The following WDHD1 variants were observed in gnomAD, a reference collection of about 807,000 sequenced individuals.
The protein encoded by WDHD1 is WD repeat and HMG-box DNA binding protein 1.
Under a neutral mutation model 135.4 loss-of-function variants are expected in WDHD1, and 111 were observed. That is an observed-to-expected ratio of 0.82 (90% CI 0.70 to 0.96). WDHD1 has a LOEUF of 0.96. Ranked by LOEUF, WDHD1 falls within the 40% of genes least tolerant of loss-of-function variation. The probability of loss-of-function intolerance (pLI) is 0.00; values close to 1 mark genes in which losing one functional copy is unlikely to be tolerated. For missense variants in WDHD1, 1,351 were observed against 1,336.3 expected, an observed-to-expected ratio of 1.01 and a Z score of -0.17; for synonymous variants, 434 against 439.0, an observed-to-expected ratio of 0.99 and a Z score of 0.14.
intron 11 of WDHD1, among the ~76,000 whole-genome samples, chr14:54,993,948 C>T (rs2041836925): frequency 6.6e-6 from 1 of 152,184 alleles, no homozygotes; most frequent in African/African-American, 2.4e-5. Context: ...GAGACCAAAA[C>T]ATTTGAGGAC....
At chr14:54,966,363 A>AAAG in intron 18 of WDHD1, 112 bp downstream of exon 18, 8 of 1,325,996 alleles carry the variant, frequency 6.0e-6, no homozygotes, top group Non-Finnish European at 7.9e-6. Flanking sequence ...AACAAAAAAA[A>AAAG]ACTTAAGAAT....
intron 2 of WDHD1, among the ~76,000 whole-genome samples, chr14:55,019,344 A>G (rs1370350161): frequency 1.3e-5 from 2 of 152,186 alleles, no homozygotes; most frequent in Non-Finnish European, 2.9e-5. Flanking sequence ...GTTAATTTAC[A>G]TATTCCTAGA....
At chr14:54,951,220 G>T (rs897166943) in intron 24 of WDHD1, among the ~76,000 whole-genome samples, 4 of 151,492 alleles carry the variant, frequency 2.6e-5, no homozygotes, top group African/African-American at 9.7e-5. Flanking sequence ...CTGGTTTTTT[G>T]AAAAGATCAA....
rs761890357 is a variant in WDHD1, at chr14:54,989,100, A to G, written c.1454T>C (p.Leu485Ser). 13 of 1,613,736 alleles carry G rather than the reference A, an allele frequency of 8.1e-6. No individual in the cohort carries two copies. The highest frequency in any genetic ancestry group is 2.2e-5 in the South Asian group (2 of 91,070). The change falls in exon 13 of 26, where the codon TTG (leucine) becomes TCG (serine). Residue 485 changes from leucine (L) to serine (S), a missense_variant. Physicochemically the swap from Leu to Ser is moderately radical, Grantham distance 145. This residue lies in a region of WDHD1 where 1,330 missense variants were observed against 1,296.1 expected (regional missense o/e 1.03). Transcript: ENST00000360586. ...GGAAAGATCTGCTATTGTATAATTC[A>G]AAGTGTTTGATAAGTGTGTTGCATG... ...IHHATHLSNT[L>S]NYTIADLSHE...
chr14:54,979,764 T>C (rs562603707), intron 16 of WDHD1, among the ~76,000 whole-genome samples: 3 of 152,354 alleles, frequency 2.0e-5, no homozygotes, highest in East Asian at 3.9e-4. Flanking sequence ...TCCTATACTA[T>C]CCACTGAGTT....
At chr14:54,987,437 C>CATATATATAT (rs139807986) in intron 13 of WDHD1, 50 bp from the exon 14 acceptor site, 405 of 1,349,610 alleles carry the variant, frequency 3.0e-4, no homozygotes, top group East Asian at 2.5e-3. Context: ...ATGATATTTA[C>CATATATATAT]ATATATATAT....
Position 54,939,115 on chromosome 14 carries a change from A to C in WDHD1, c.*2375T>G, listed in dbSNP as rs1223701471. 1.3e-5 allele frequency: 2 copies of C among 152,220 alleles called. No individual in the cohort carries two copies. The highest frequency in any genetic ancestry group is 2.9e-5 in the Non-Finnish European group (2 of 68,048). 9.4% of individuals were successfully genotyped at this position (152,220 alleles called of 1,614,324 possible). A position where few individuals can be genotyped will look rare whatever the true frequency, so the allele number is the denominator to read the frequency against. On this transcript the variant is annotated 3_prime_UTR_variant, in exon 26 of 26. Transcript: ENST00000360586. ...AGGATATACAGGTGCTTACTGTCAA[A>C]TTTCAAATTTTCTGTAGGTTTGAGA...
At chr14:55,025,495 G>A (rs1035234268) in intron 2 of WDHD1, among the ~76,000 whole-genome samples, 6 of 152,076 alleles carry the variant, frequency 3.9e-5, no homozygotes, top group African/African-American at 9.7e-5. Flanking sequence ...GGGGCAACCC[G>A]CCCCTACACA....
At chr14:55,021,736 C>T (rs978760753) in intron 2 of WDHD1, among the ~76,000 whole-genome samples, 1 of 152,166 alleles carries the variant, frequency 6.6e-6, no homozygotes, top group Non-Finnish European at 1.5e-5. Context: ...GAAATTACTT[C>T]GCTCCCTTAT....
In WDHD1 at chr14:55,012,326, T is replaced by C. The variant is rs1194351707; in HGVS notation, c.189+1159A>G. ...AATATGAATTCTGTGGAAAGATTTT[T>C]CTACCTAAACACAATACACTCAAGT... is the stretch of plus-strand genomic sequence containing the variant. On this transcript the variant is annotated intron_variant, in intron 3 of 25. Coordinates refer to ENST00000360586, the MANE Select transcript of WDHD1 (RefSeq NM_007086.4). 3.3e-5 allele frequency among the ~76,000 whole-genome samples: 5 copies of C among 152,180 alleles called. No homozygotes were observed. The East Asian group carries it at 9.6e-4, about 29-fold the overall frequency.
chr14:55,016,101 GAATT>G (rs1356307354), intron 2 of WDHD1, among the ~76,000 whole-genome samples: 1 of 152,202 alleles, frequency 6.6e-6, no homozygotes, highest in Non-Finnish European at 1.5e-5. Context: ...AAATATAGTA[GAATT>G]AATAAGAAAT....
intron 13 of WDHD1, among the ~76,000 whole-genome samples, chr14:54,988,644 A>G (rs1405309218): frequency 6.6e-6 from 1 of 152,044 alleles, no homozygotes; most frequent in Non-Finnish European, 1.5e-5. Flanking sequence ...ATCTGAGAGT[A>G]GAATTCTGGG....
intron 12 of WDHD1, among the ~76,000 whole-genome samples, chr14:54,990,450 G>A (rs903575664): frequency 3.9e-5 from 6 of 152,036 alleles, no homozygotes; most frequent in African/African-American, 1.4e-4. Flanking sequence ...ACAAAAATTA[G>A]CTGGGCATGG....
chr14:54,968,852 G>A (rs2041385962), intron 16 of WDHD1, among the ~76,000 whole-genome samples: 1 of 152,066 alleles, frequency 6.6e-6, no homozygotes, highest in Admixed American at 6.6e-5. Context: ...ACCACCCTGG[G>A]CAACAAAATG....
chr14:54,963,183 AAGGGGGG>A lies in WDHD1; in HGVS notation c.2311-18_2311-12del. On this transcript the variant is annotated splice_polypyrimidine_tract_variant and intron_variant, in intron 18 of 25. Coordinates refer to ENST00000360586, the MANE Select transcript of WDHD1 (RefSeq NM_007086.4). ...CAGTTTACAAGAAAGCTAATCCAAA[AAGGGGGG>A]GGGGGGGGAGATCAAATAACATCAA... is the stretch of plus-strand genomic sequence containing the variant. 2 of 226,402 alleles carry A rather than the reference AAGGGGGG, an allele frequency of 8.8e-6. No homozygotes were observed. Among genetic ancestry groups the A allele is most frequent in the Non-Finnish European group, 1.9e-5 (2 of 107,600 alleles). The allele number at this position is 226,402 out of a possible 1,614,324, so 14.0% of individuals were successfully genotyped here.
intron 2 of WDHD1, among the ~76,000 whole-genome samples, chr14:55,024,109 G>A (rs916119949): frequency 1.5e-4 from 23 of 151,990 alleles, no homozygotes; most frequent in African/African-American, 5.6e-4. Flanking sequence ...TTTCTAATAT[G>A]TGTATTGAAA....
intron 24 of WDHD1, among the ~76,000 whole-genome samples, chr14:54,945,628 C>T (rs1008470049): frequency 6.6e-6 from 1 of 152,184 alleles, no homozygotes; most frequent in East Asian, 1.9e-4. Flanking sequence ...GCAACCTCCA[C>T]CTTCCAGGTT....
intron 13 of WDHD1, among the ~76,000 whole-genome samples, chr14:54,988,585 A>G (rs1183088815): frequency 1.3e-5 from 2 of 152,188 alleles, no homozygotes; most frequent in Non-Finnish European, 2.9e-5. Flanking sequence ...GGAGGTTCAA[A>G]TAGAAAGAAA....
intron 16 of WDHD1, among the ~76,000 whole-genome samples, chr14:54,981,068 G>A (rs958266189): frequency 9.2e-5 from 14 of 152,244 alleles, no homozygotes; most frequent in African/African-American, 1.4e-4. Context: ...CTGAGATCAC[G>A]CCACTACAAT....
Sources: allele counts gnomAD v4.1 joint callset (sites outside exome capture counted in the v4.1 genomes callset), GRCh38; gene constraint gnomAD v4.1.1; regional missense constraint gnomAD v4.1.1; transcripts MANE v1.5; gene names NCBI Gene and HGNC (gene_info 2026-07-23, HGNC 2026-07-21).